TCF4: variants seen among roughly 807,000 people sequenced by gnomAD.
TCF4 encodes SL3-3 enhancer factor 2.
In TCF4, 3 loss-of-function variants were observed where a neutral mutation model predicts 82.1. The observed-to-expected ratio is 0.04, with a 90% CI of 0.02 to 0.09. TCF4 has a LOEUF of 0.09. TCF4 is among the 10% of genes least tolerant of loss of function. TCF4 has a pLI of 1.00. For missense variants in TCF4, 518 were observed against 852.7 expected (o/e 0.61, Z 4.89); for synonymous variants, 276 against 309.6 (o/e 0.89, Z 1.14).
At chr18:55,538,026 G>GCGTGCA (rs1277287061) in intron 3 of TCF4, among the ~76,000 whole-genome samples, 1 of 131,504 alleles carries the variant, frequency 7.6e-6, no homozygotes, top group Admixed American at 8.3e-5. Flanking sequence ...CTGCGCGCGC[G>GCGTGCA]CACACACACA....
chr18:55,553,746 T>C (rs1403662473), intron 3 of TCF4, among the ~76,000 whole-genome samples: 1 of 152,140 alleles, frequency 6.6e-6, no homozygotes, highest in African/African-American at 2.4e-5. Flanking sequence ...ATAAGCATAT[T>C]TAGGAGATCA....
At chr18:55,429,188 A>C (rs530116289) in intron 5 of TCF4, among the ~76,000 whole-genome samples, 1 of 152,170 alleles carries the variant, frequency 6.6e-6, no homozygotes, top group African/African-American at 2.4e-5. Context: ...TCTAAAGTGA[A>C]AAAAACCTCA....
chr18:55,498,863 T>C (rs1286244276), intron 3 of TCF4, among the ~76,000 whole-genome samples: 1 of 152,178 alleles, frequency 6.6e-6, no homozygotes, highest in African/African-American at 2.4e-5. Flanking sequence ...TGTGATGTAA[T>C]GTATCTTCTT....
At chr18:55,234,786 A>G (rs1599580747) in intron 15 of TCF4, 103 bp from the exon 16 acceptor site, 2 of 1,567,592 alleles carry the variant, frequency 1.3e-6, no homozygotes, top group Non-Finnish European at 1.7e-6. Flanking sequence ...TTCAAAAACC[A>G]TACTCCCAAA....
At chr18:55,467,708 A>C (rs2096062428) in intron 3 of TCF4, among the ~76,000 whole-genome samples, 1 of 152,164 alleles carries the variant, frequency 6.6e-6, no homozygotes, top group Non-Finnish European at 1.5e-5. Flanking sequence ...CAGGGCCTAC[A>C]CCTGGCCATT....
chr18:55,526,662 T>A (rs953252998), intron 3 of TCF4, among the ~76,000 whole-genome samples: 1 of 152,156 alleles, frequency 6.6e-6, no homozygotes, highest in Non-Finnish European at 1.5e-5. Flanking sequence ...TAATCCAGAA[T>A]CCTTGCAGCA....
intron 3 of TCF4, among the ~76,000 whole-genome samples, chr18:55,554,839 AT>A (rs1393310289): frequency 6.6e-6 from 1 of 152,228 alleles, no homozygotes; most frequent in African/African-American, 2.4e-5. Context: ...TAACTTCACC[AT>A]TTTAAAAAGG....
At chr18:55,265,432 A>G (rs546501382) in intron 11 of TCF4, 4 of 152,292 alleles carry the variant, frequency 2.6e-5, no homozygotes, top group Admixed American at 2.0e-4. Flanking sequence ...TATATAGACT[A>G]CAATGCACTA....
chr18:55,628,769 T>C (rs2097728958), intron 2 of TCF4, among the ~76,000 whole-genome samples: 1 of 152,218 alleles, frequency 6.6e-6, no homozygotes, highest in African/African-American at 2.4e-5. Context: ...AGAACCATTA[T>C]TTTGTATGTC....
At position 55,233,573 on chromosome 18, in the gene TCF4, C is replaced by T. The variant is rs371924425; in HGVS notation, c.1487-902G>A. Among the ~76,000 whole-genome samples, 7 of 152,130 alleles carry T rather than the reference C, an allele frequency of 4.6e-5. No individual in the cohort carries two copies. The South Asian group carries it at 8.3e-4, about 18-fold the overall frequency. On this transcript the variant is annotated intron_variant, in intron 16 of 19. Transcript: ENST00000354452. The stretch of plus-strand genomic sequence containing the variant: ...GTTCACACCTGTAATCCCAGCACTT[C>T]GGGAGGCTGAGGCGGGTGCATCACT...
chr18:55,324,279 C>T (rs1341649884), intron 8 of TCF4, among the ~76,000 whole-genome samples: 1 of 152,172 alleles, frequency 6.6e-6, no homozygotes, highest in African/African-American at 2.4e-5. Flanking sequence ...GAATTATAGC[C>T]AGTGAGACAC....
chr18:55,435,753 T>C (rs2095316308), intron 5 of TCF4, among the ~76,000 whole-genome samples: 1 of 152,234 alleles, frequency 6.6e-6, no homozygotes, highest in African/African-American at 2.4e-5. Context: ...TCCCTCTGGC[T>C]GGCTGTTTTC....
intron 8 of TCF4, among the ~76,000 whole-genome samples, chr18:55,291,915 T>A (rs1423828374): frequency 6.6e-6 from 1 of 152,156 alleles, no homozygotes; most frequent in Non-Finnish European, 1.5e-5. Context: ...ATAAAGTGAG[T>A]AGCCTTTTGT....
chr18:55,404,489 T>A (rs1343103249), intron 5 of TCF4: 1 of 152,194 alleles, frequency 6.6e-6, no homozygotes, highest in Non-Finnish European at 1.5e-5. Flanking sequence ...ACTTCTTTCG[T>A]CAAGACTGGA....
chr18:55,408,842 T>A (rs1292005793), intron 5 of TCF4, among the ~76,000 whole-genome samples: 2 of 151,678 alleles, frequency 1.3e-5, no homozygotes. Context: ...AAAGTATAAA[T>A]AAACTAGAGG....
intron 3 of TCF4, among the ~76,000 whole-genome samples, chr18:55,466,413 C>T (rs1395129261): frequency 2.0e-5 from 3 of 152,052 alleles, no homozygotes; most frequent in Non-Finnish European, 4.4e-5. Flanking sequence ...AGGAAGATCC[C>T]TTGAGCCCAG....
chr18:55,480,301 G>A (rs1280854747), intron 3 of TCF4, among the ~76,000 whole-genome samples: 1 of 133,828 alleles, frequency 7.5e-6, no homozygotes, highest in East Asian at 2.5e-4. Flanking sequence ...AAAAAAGCGG[G>A]GGGGCGGGGG....
At chr18:55,500,167 G>T (rs920966093) in intron 3 of TCF4, among the ~76,000 whole-genome samples, 1 of 152,138 alleles carries the variant, frequency 6.6e-6, no homozygotes, top group African/African-American at 2.4e-5. Flanking sequence ...GGGCGACAGA[G>T]GGAGACTTTG....
At chr18:55,570,651 GA>G (rs1340915502) in intron 3 of TCF4, among the ~76,000 whole-genome samples, 1 of 152,074 alleles carries the variant, frequency 6.6e-6, no homozygotes, top group Admixed American at 6.5e-5. Context: ...GGAAGCCAAG[GA>G]AGGCAAATTG....
Sources: allele counts gnomAD v4.1 joint callset (sites outside exome capture counted in the v4.1 genomes callset), GRCh38; gene constraint gnomAD v4.1.1; transcripts MANE v1.5; gene names NCBI Gene and HGNC (gene_info 2026-07-23, HGNC 2026-07-21).